BLOC1S3: variants seen among roughly 807,000 people sequenced by gnomAD.
BLOC1S3 encodes biogenesis of lysosome-related organelles complex 1 subunit 3.
A neutral mutation model predicts 9.1 loss-of-function variants in BLOC1S3; 7 were observed. The observed-to-expected ratio is 0.77, with a 90% confidence interval of 0.44 to 1.45. The LOEUF is 1.45. Ranked by LOEUF, BLOC1S3 falls within the 40% of genes most tolerant of loss-of-function variation. BLOC1S3 has a pLI of 0.01. For missense variants in BLOC1S3, 307 were observed against 315.2 expected, an observed-to-expected ratio of 0.97 and a Z score of 0.20; for synonymous variants, 145 against 158.4, an observed-to-expected ratio of 0.92 and a Z score of 0.64.
At chr19:45,199,843 A>G (rs959010424) in intron 2 of BLOC1S3, among the ~76,000 whole-genome samples, 9 of 151,268 alleles carry the variant, frequency 5.9e-5, no homozygotes, top group African/African-American at 2.2e-4. Flanking sequence ...TTGGCTCACT[A>G]CAACCTCCAC....
In BLOC1S3 at chr19:45,179,268, C is replaced by G. The variant is rs756305597; in HGVS notation, c.-9-20C>G. 1 of 1,547,388 alleles carries G rather than the reference C, an allele frequency of 6.5e-7. No homozygotes were observed. The highest frequency in any genetic ancestry group is 2.4e-5 in the East Asian group (1 of 41,266). On this transcript the variant is annotated intron_variant, in intron 1 of 1. Transcript: ENST00000433642. The surrounding 1 kb of genome is among the most constrained non-coding windows in gnomAD (Gnocchi z 4.6). Reference sequence around the variant, plus strand: ...CGCGGCGCCGGTCTCACGTGCAGTCCCTTCGCTCTTCTCCCCTAGTTCGGT... The same window carrying G: ...CGCGGCGCCGGTCTCACGTGCAGTCGCTTCGCTCTTCTCCCCTAGTTCGGT...
At position 45,191,734 on chromosome 19, in the gene BLOC1S3, A is replaced by G. The variant is rs375405831; in HGVS notation, n.180+3994A>G. Among the ~76,000 whole-genome samples the G allele has an allele frequency of 9.8e-5, 15 of 152,314 alleles. No homozygotes were observed. In the South Asian group the frequency reaches 1.0e-3, roughly 11 times the overall value. ...GATAAGATCTGGAAGAATTCTCTGG[A>G]TTATCAGGCAGAGATTCTTGTCTTC... On this transcript the variant is annotated intron_variant and non_coding_transcript_variant, in intron 2 of 3. Transcript: ENST00000591569.
At chr19:45,201,357 G>C (rs1488409478) in intron 2 of BLOC1S3, among the ~76,000 whole-genome samples, 1 of 152,246 alleles carries the variant, frequency 6.6e-6, no homozygotes, top group East Asian at 1.9e-4. Flanking sequence ...GCTGCCTGGG[G>C]CTGCTGGAGG....
chr19:45,199,373 TG>T (rs1969672745), intron 2 of BLOC1S3, among the ~76,000 whole-genome samples: 1 of 137,434 alleles, frequency 7.3e-6, no homozygotes, highest in Non-Finnish European at 1.5e-5. Context: ...TGGAGCACAG[TG>T]GCACGATCTT....
chr19:45,203,931 C>T (rs1969709030), intron 3 of BLOC1S3, among the ~76,000 whole-genome samples: 1 of 152,106 alleles, frequency 6.6e-6, no homozygotes, highest in Non-Finnish European at 1.5e-5. Context: ...TCTCAAACCA[C>T]CCCAAAAGCT....
At chr19:45,192,292 G>A (rs1460917894) in intron 2 of BLOC1S3, among the ~76,000 whole-genome samples, 1 of 152,198 alleles carries the variant, frequency 6.6e-6, no homozygotes, top group East Asian at 1.9e-4. Flanking sequence ...AAGGCTGCCA[G>A]GCCTGGGTCT....
chr19:45,189,462 C>T (rs1391491386), intron 2 of BLOC1S3, among the ~76,000 whole-genome samples: 1 of 146,020 alleles, frequency 6.8e-6, no homozygotes, highest in African/African-American at 2.6e-5. Context: ...GACGGAGTTT[C>T]GCTCTTGTTG....
At chr19:45,212,864 T>G in intron 3 of BLOC1S3, 3 of 520,586 alleles carry the variant, frequency 5.8e-6, no homozygotes, top group South Asian at 4.1e-5. Context: ...CCTCCCAAAG[T>G]GTTGGGATTA....
intron 3 of BLOC1S3, chr19:45,213,119 G>A: frequency 2.6e-6 from 4 of 1,558,136 alleles, no homozygotes; most frequent in African/African-American, 1.4e-5. Context: ...GGCCGAGGCA[G>A]ACAGGCCAAA....
At position 45,179,316 on chromosome 19, in the gene BLOC1S3, GGCGGAGGCCCCT is replaced by G. The variant is rs1969469629; in HGVS notation, c.30_41del (p.Leu11_Pro14del). On this transcript the variant is annotated inframe_deletion, in exon 2 of 2. Transcript: ENST00000433642. The surrounding 1 kb of genome is among the most constrained non-coding windows in gnomAD (Gnocchi z 4.6). ...GGTGCCATGGCGTCCCAGGGTCGTC[GGCGGAGGCCCCT>G]GCGGAGGCCGGAGACGGTGGTGCCG... 3 of 1,583,752 alleles carry G rather than the reference GGCGGAGGCCCCT, an allele frequency of 1.9e-6. No homozygotes were observed. The highest frequency in any genetic ancestry group is 1.7e-6 in the Non-Finnish European group (2 of 1,173,660).
At chr19:45,197,214 G>C (rs563260968) in intron 2 of BLOC1S3, among the ~76,000 whole-genome samples, 1 of 151,652 alleles carries the variant, frequency 6.6e-6, no homozygotes, top group Admixed American at 6.6e-5. Context: ...GTCCAGGTGC[G>C]GTGGCTCACA....
intron 3 of BLOC1S3, among the ~76,000 whole-genome samples, chr19:45,211,816 A>C (rs1468330989): frequency 6.7e-6 from 1 of 150,028 alleles, no homozygotes. Flanking sequence ...AAAAAAAACC[A>C]CATACACACA....
intron 3 of BLOC1S3, among the ~76,000 whole-genome samples, chr19:45,205,936 C>G (rs1321092619): frequency 1.3e-5 from 2 of 152,172 alleles, no homozygotes; most frequent in African/African-American, 4.8e-5. Flanking sequence ...ATGAAAACCA[C>G]AAGGTCACTC....
At position 45,181,013 on chromosome 19, in the gene BLOC1S3, A is replaced by G. The variant is rs1040940662; in HGVS notation, c.*1108A>G. 2 of 167,136 alleles carry G rather than the reference A, an allele frequency of 1.2e-5. No individual in the cohort carries two copies. Among genetic ancestry groups the G allele is most frequent in the Non-Finnish European group, 2.9e-5 (2 of 68,176 alleles). The allele number at this position is 167,136 out of a possible 1,614,324, so 10.4% of individuals were successfully genotyped here. On this transcript the variant is annotated 3_prime_UTR_variant, in exon 2 of 2. Coordinates refer to ENST00000433642, the MANE Select transcript of BLOC1S3 (RefSeq NM_212550.5). The stretch of plus-strand genomic sequence containing the variant: ...AATGCTGGGATTACAGGCGTGGGCC[A>G]CTGCGCCTAGCCAGCTGGGTCCTTG...
chr19:45,199,410 G>T (rs111374463), intron 2 of BLOC1S3, among the ~76,000 whole-genome samples: 2,710 of 149,396 alleles, frequency 0.018, 86 homozygotes, highest in African/African-American at 0.063. Context: ...CCGCCTCCCG[G>T]GTTCAAGCAA....
intron 2 of BLOC1S3, among the ~76,000 whole-genome samples, chr19:45,194,932 CTTTT>C (rs112584333): frequency 1.4e-5 from 2 of 140,176 alleles, no homozygotes. Flanking sequence ...GTGTGTTATA[CTTTT>C]TTTTTTTTTT....
chr19:45,179,958 T>A lies in BLOC1S3; in HGVS notation c.*53T>A, dbSNP rs1448705096. 6.3e-7 allele frequency: 1 copy of A among 1,577,182 alleles called. No homozygotes were observed. Among genetic ancestry groups the A allele is most frequent in the African/African-American group, 1.4e-5 (1 of 71,806 alleles). On this transcript the variant is annotated 3_prime_UTR_variant, in exon 2 of 2. Transcript: ENST00000433642. This position sits in a 1 kb window ranked among gnomAD's most constrained non-coding sequence, Gnocchi z 4.6. The stretch of plus-strand genomic sequence containing the variant: ...CAATTTGGGGGTAGGCCTTGCTGCC[T>A]CTGGGACCTGACTCTGTCTCCTGTG...
chr19:45,192,979 C>G (rs1969617529), intron 2 of BLOC1S3, among the ~76,000 whole-genome samples: 1 of 151,322 alleles, frequency 6.6e-6, no homozygotes, highest in Non-Finnish European at 1.5e-5. Context: ...ACTAAACATA[C>G]AAAATTAGCC....
intron 3 of BLOC1S3, among the ~76,000 whole-genome samples, chr19:45,208,370 G>A (rs547732911): frequency 2.0e-5 from 3 of 152,206 alleles, no homozygotes; most frequent in African/African-American, 7.2e-5. Flanking sequence ...ACTTTGGGAG[G>A]CCGAGGTGGG....
Sources: allele counts gnomAD v4.1 joint callset (sites outside exome capture counted in the v4.1 genomes callset), GRCh38; gene constraint gnomAD v4.1.1; non-coding constraint Gnocchi (gnomAD v3.1); transcripts MANE v1.5; gene names NCBI Gene and HGNC (gene_info 2026-07-23, HGNC 2026-07-21).